The following ARRDC5 variants were observed in gnomAD, a reference collection of about 807,000 sequenced individuals.
The protein encoded by ARRDC5 is arrestin domain-containing protein 5.
ARRDC5 carries 12 observed loss-of-function variants against 13.3 expected under a neutral mutation model. The observed-to-expected ratio is 0.90, with a 90% CI of 0.58 to 1.46. The LOEUF (loss-of-function observed/expected upper bound fraction) is 1.46, where lower values mean the gene tolerates loss of function less well. Among genes scored for constraint, ARRDC5 ranks in the 40% most tolerant of loss-of-function variants. The pLI, the probability that ARRDC5 is intolerant of heterozygous loss-of-function variation, is 0.00. For synonymous variants in ARRDC5, 181 were observed against 173.4 expected (o/e 1.04, Z -0.34); for missense variants, 406 against 418.7 (o/e 0.97, Z 0.26).
At chr19:4,909,892 G>T in the ARRDC5 span, 12 of 375,200 alleles carry the variant, frequency 3.2e-5, no homozygotes, top group East Asian at 7.9e-5. Flanking sequence ...CGCGCCGGGT[G>T]GGGGAGGGCC....
rs533032727 is a variant in ARRDC5 at position 4,902,856 on chromosome 19, T to C, written c.-31A>G. 5 of 1,613,528 alleles carry C rather than the reference T, an allele frequency of 3.1e-6. No individual in the cohort carries two copies. In the African/African-American group the frequency reaches 5.3e-5, roughly 17 times the overall value. ...GTTGGGGGGTAGAGAGACATTCCTC[T>C]CTGTCCCCCATGTCCCTGAAATTCC... On this transcript the variant is annotated 5_prime_UTR_variant, in exon 1 of 3. Transcript: ENST00000650722.
At chr19:4,907,511 C>A (rs1426579878), upstream of ARRDC5, among the ~76,000 whole-genome samples, 1 of 152,100 alleles carries the variant, frequency 6.6e-6, no homozygotes, top group East Asian at 1.9e-4. Context: ...CTCCAGTTAT[C>A]TGCCTGCCTC....
upstream of ARRDC5, among the ~76,000 whole-genome samples, chr19:4,907,419 C>A (rs1027578236): frequency 3.3e-5 from 5 of 152,124 alleles, no homozygotes; most frequent in African/African-American, 1.2e-4. Flanking sequence ...CAGGCGCCGG[C>A]CACCACACCT....
chr19:4,916,690 TC>T, the ARRDC5 span, among the ~76,000 whole-genome samples: 17 of 152,244 alleles, frequency 1.1e-4, no homozygotes, highest in African/African-American at 3.6e-4. Flanking sequence ...TCTAGGATCC[TC>T]CTGCATCCGT....
chr19:4,891,685 G>T lies in ARRDC5; in HGVS notation c.460-112C>A, dbSNP rs1220103330. ...AAAGTCTGTGGGGCTGGCTGGGCAC[G>T]ATAGCTCACGCCTATAATCCCAACA... is the stretch of plus-strand genomic sequence containing the variant. On this transcript the variant is annotated intron_variant, in intron 2 of 2. Coordinates refer to ENST00000650722, the MANE Select transcript of ARRDC5 (RefSeq NM_001080523.3). The T allele has an allele frequency of 1.2e-5, 11 of 928,332 alleles. No homozygotes were observed. In the South Asian group the frequency reaches 1.5e-4, roughly 13 times the overall value. The allele number at this position is 928,332 out of a possible 1,614,324, so 57.5% of individuals were successfully genotyped here.
chr19:4,903,050 G>C, upstream of ARRDC5: 1 of 315,366 alleles, frequency 3.2e-6, no homozygotes, highest in Non-Finnish European at 5.6e-6. Context: ...TTTTTGAGAT[G>C]GAGTCTTACC....
At chr19:4,904,902 T>A (rs183429752), upstream of ARRDC5, among the ~76,000 whole-genome samples, 3 of 152,138 alleles carry the variant, frequency 2.0e-5, no homozygotes, top group Non-Finnish European at 4.4e-5. Flanking sequence ...GGGAGGGACA[T>A]TGAATCATAG....
At chr19:4,908,663 T>C in the ARRDC5 span, among the ~76,000 whole-genome samples, 1 of 152,130 alleles carries the variant, frequency 6.6e-6, no homozygotes, top group African/African-American at 2.4e-5. Context: ...GAGTATCCTC[T>C]CTCCCCGCCT....
At position 4,891,244 on chromosome 19, in the gene ARRDC5, CA is replaced by C. The variant is rs747189379; in HGVS notation, c.788del (p.Leu263ArgfsTer3). On this transcript the variant is annotated frameshift_variant, in exon 3 of 3. Transcript: ENST00000650722. LOFTEE classifies it low-confidence loss of function (END_TRUNC). ...VVSTFNLPLLLSVSSSTQDGE... is the reference protein window; with the variant it reads ...VVSTFNLPLLXSVSSSTQDGE... ...CGTCCTGCGTGCTGCTGCTCACGGA[CA>C]GCAGCAACGGCAGGTTGAAGGTGCT... 9 of 1,613,794 alleles carry C rather than the reference CA, an allele frequency of 5.6e-6. No individual in the cohort carries two copies. Among genetic ancestry groups the C allele is most frequent in the Non-Finnish European group, 7.6e-6 (9 of 1,179,886 alleles).
chr19:4,913,317 G>A, the ARRDC5 span, among the ~76,000 whole-genome samples: 1 of 140,876 alleles, frequency 7.1e-6, no homozygotes, highest in African/African-American at 2.7e-5. Flanking sequence ...GCAGTGGCTC[G>A]ATCTGGGCTC....
Position 4,898,052 on chromosome 19 carries a change from A to G in ARRDC5, c.254-1176T>C, listed in dbSNP as rs74536589. Among the ~76,000 whole-genome samples, 18 of 152,160 alleles carry G rather than the reference A, an allele frequency of 1.2e-4. No individual in the cohort carries two copies. The East Asian group carries it at 3.3e-3, about 28-fold the overall frequency. On this transcript the variant is annotated intron_variant, in intron 1 of 2. Transcript: ENST00000650722. ...CAGTGAGCCGAGATCATGCCACTGT[A>G]CTCCAGCCTGGGTGACAGAGCGAGA...
intron 1 of ARRDC5, among the ~76,000 whole-genome samples, chr19:4,899,409 T>A (rs1268333827): frequency 6.6e-6 from 1 of 150,524 alleles, no homozygotes; most frequent in Non-Finnish European, 1.5e-5. Context: ...GTGGGGCAGA[T>A]CACCTGAGGT....
At chr19:4,909,669 C>T in the ARRDC5 span, 4 of 527,760 alleles carry the variant, frequency 7.6e-6, no homozygotes, top group Non-Finnish European at 9.9e-6. Flanking sequence ...AGCGGGCGGG[C>T]CGGGTCGGGG....
chr19:4,912,165 G>T, the ARRDC5 span, among the ~76,000 whole-genome samples: 1 of 152,134 alleles, frequency 6.6e-6, no homozygotes, highest in African/African-American at 2.4e-5. Flanking sequence ...GCCCTGCCCC[G>T]GGAGGAGGCG....
chr19:4,898,447 C>T (rs143504785), intron 1 of ARRDC5, among the ~76,000 whole-genome samples: 1,561 of 152,046 alleles, frequency 0.01, 31 homozygotes, highest in African/African-American at 0.035. Context: ...CTGCAACCTC[C>T]GCCTCCTAGG....
chr19:4,896,064 C>G (rs1469450374), intron 2 of ARRDC5, among the ~76,000 whole-genome samples: 1 of 152,126 alleles, frequency 6.6e-6, no homozygotes, highest in African/African-American at 2.4e-5. Context: ...CCTGTAATCC[C>G]AGCACTTTGG....
At chr19:4,912,800 C>T in the ARRDC5 span, among the ~76,000 whole-genome samples, 1 of 152,068 alleles carries the variant, frequency 6.6e-6, no homozygotes, top group Non-Finnish European at 1.5e-5. Context: ...TCTCACTCTG[C>T]CCAGGCTGTG....
the ARRDC5 span, chr19:4,910,867 T>A: frequency 8.8e-6 from 14 of 1,594,368 alleles, no homozygotes; most frequent in East Asian, 2.7e-4. Context: ...TTGCTGTCCC[T>A]CCCCTCAGCG....
chr19:4,908,530 AGCCTTTTCCG>A, the ARRDC5 span, among the ~76,000 whole-genome samples: 2 of 151,878 alleles, frequency 1.3e-5, no homozygotes, highest in South Asian at 4.2e-4. Flanking sequence ...GACACCTCTA[AGCCTTTTCCG>A]GCCTCTGGGT....
Sources: allele counts gnomAD v4.1 joint callset (sites outside exome capture counted in the v4.1 genomes callset), GRCh38; gene constraint gnomAD v4.1.1; transcripts MANE v1.5; gene names NCBI Gene and HGNC (gene_info 2026-07-23, HGNC 2026-07-21).